Variants in PCYT1B observed in about 807,000 individuals in gnomAD.
The protein encoded by PCYT1B is choline-phosphate cytidylyltransferase B.
PCYT1B carries 10 observed loss-of-function variants against 26.4 expected under a neutral mutation model. The ratio of observed to expected loss-of-function variants is 0.38; its 90% CI spans 0.23 to 0.64. The LOEUF (loss-of-function observed/expected upper bound fraction) is 0.64. Among genes scored for constraint, PCYT1B ranks in the 30% least tolerant of loss-of-function variants. The pLI is 0.56. For synonymous variants in PCYT1B, 131 were observed against 108.4 expected, an observed-to-expected ratio of 1.21 and a Z score of -1.29; for missense variants, 161 against 292.7, an observed-to-expected ratio of 0.55 and a Z score of 3.28.
intron 6 of PCYT1B, among the ~76,000 whole-genome samples, chrX:24,576,551 C>T (rs187870599): frequency 9.0e-6 from 1 of 111,445 alleles, no homozygotes; most frequent in East Asian, 2.8e-4. Context: ...GTGATCCACT[C>T]GCCTCGGCCT....
At chrX:24,649,720 C>T (rs906851044), upstream of PCYT1B, among the ~76,000 whole-genome samples, 7 of 111,691 alleles carry the variant, frequency 6.3e-5, no homozygotes, top group South Asian at 1.1e-3. Context: ...CCTTCCTCAC[C>T]TTCTTCTCCT....
intron 7 of PCYT1B, among the ~76,000 whole-genome samples, chrX:24,568,089 T>C (rs1195100181): frequency 1.8e-5 from 2 of 112,350 alleles, no homozygotes; most frequent in Non-Finnish European, 3.8e-5. Context: ...ATAAAGTTCC[T>C]GGTACGATCT....
At chrX:24,660,530 T>C (rs991849484) in intron 1 of PCYT1B, among the ~76,000 whole-genome samples, 2 of 110,239 alleles carry the variant, frequency 1.8e-5, no homozygotes, top group African/African-American at 6.6e-5. Flanking sequence ...ATACAAAAAT[T>C]ACCTGGATGC....
chrX:24,646,526 T>G (rs1424569666), intron 1 of PCYT1B, among the ~76,000 whole-genome samples: 1 of 111,190 alleles, frequency 9.0e-6, no homozygotes, highest in Non-Finnish European at 1.9e-5. Flanking sequence ...GATGGGGAAG[T>G]TTTGCTTCCA....
chrX:24,623,877 A>G (rs1015089711), intron 1 of PCYT1B, among the ~76,000 whole-genome samples: 2 of 111,279 alleles, frequency 1.8e-5, no homozygotes, highest in Non-Finnish European at 3.8e-5. Context: ...GACCAATCAG[A>G]CAACAAGCTA....
At chrX:24,569,347 A>G (rs1853225171) in intron 7 of PCYT1B, among the ~76,000 whole-genome samples, 1 of 111,079 alleles carries the variant, frequency 9.0e-6, no homozygotes, top group South Asian at 3.8e-4. Flanking sequence ...TTGCTCGTGG[A>G]AATGTAAAAC....
chrX:24,574,048 T>G (rs184888655), intron 7 of PCYT1B, among the ~76,000 whole-genome samples: 4 of 111,433 alleles, frequency 3.6e-5, no homozygotes, highest in African/African-American at 1.3e-4. Context: ...GTGTTTCACT[T>G]TTAGATAATC....
intron 1 of PCYT1B, among the ~76,000 whole-genome samples, chrX:24,619,639 T>G (rs765845365): frequency 2.9e-4 from 32 of 112,144 alleles, no homozygotes; most frequent in Non-Finnish European, 4.5e-4. Flanking sequence ...ACACACCAGC[T>G]TGGCCAATGA....
chrX:24,652,426 G>T (rs753732400), intron 1 of PCYT1B, among the ~76,000 whole-genome samples: 2 of 110,478 alleles, frequency 1.8e-5, no homozygotes, highest in East Asian at 5.7e-4. Context: ...AAGCGTGTTG[G>T]TGGGCGCCTG....
intron 1 of PCYT1B, among the ~76,000 whole-genome samples, chrX:24,668,146 T>C (rs937713619): frequency 8.9e-6 from 1 of 112,350 alleles, no homozygotes; most frequent in Non-Finnish European, 1.9e-5. Context: ...AGAACCAGCA[T>C]GGGACCTGGA....
intron 1 of PCYT1B, among the ~76,000 whole-genome samples, chrX:24,639,167 A>G (rs1926389577): frequency 8.9e-6 from 1 of 112,676 alleles, no homozygotes; most frequent in African/African-American, 3.2e-5. Context: ...TGATAGGAGC[A>G]TGAGCTCAAA....
intron 1 of PCYT1B, among the ~76,000 whole-genome samples, chrX:24,623,943 G>C (rs1435831841): frequency 1.9e-5 from 2 of 106,277 alleles, no homozygotes; most frequent in Non-Finnish European, 3.9e-5. Context: ...CAACTGCAGA[G>C]TTGCTTGTTT....
chrX:24,602,608 T>C (rs1388098594), intron 3 of PCYT1B, among the ~76,000 whole-genome samples: 5 of 111,157 alleles, frequency 4.5e-5, no homozygotes, highest in Non-Finnish European at 9.4e-5. Context: ...TAGGGGAAGT[T>C]GTGCCTGTGC....
intron 7 of PCYT1B, among the ~76,000 whole-genome samples, chrX:24,565,828 T>C (rs1408705372): frequency 1.1e-5 from 1 of 94,959 alleles, no homozygotes; most frequent in African/African-American, 3.9e-5. Flanking sequence ...AGGCAAAAAA[T>C]AGTGGAATTT....
chrX:24,597,465 C>G (rs750315932), intron 3 of PCYT1B, among the ~76,000 whole-genome samples: 1 of 112,028 alleles, frequency 8.9e-6, no homozygotes, highest in Non-Finnish European at 1.9e-5. Context: ...TAGTTTTAAA[C>G]GAATCAATGT....
chrX:24,643,637 G>A (rs186197721), intron 1 of PCYT1B, among the ~76,000 whole-genome samples: 187 of 111,845 alleles, frequency 1.7e-3, no homozygotes, highest in African/African-American at 5.9e-3. Flanking sequence ...GAAGAATAAG[G>A]CAGGTAGAGA....
intron 1 of PCYT1B, among the ~76,000 whole-genome samples, chrX:24,655,693 G>A (rs1359058488): frequency 1.8e-5 from 2 of 111,410 alleles, no homozygotes; most frequent in Non-Finnish European, 3.8e-5. Context: ...TGAGGCAGGA[G>A]AATCACTTGA....
chrX:24,630,702 C>T (rs1028461825), intron 1 of PCYT1B, among the ~76,000 whole-genome samples: 1 of 112,163 alleles, frequency 8.9e-6, no homozygotes, highest in Non-Finnish European at 1.9e-5. Flanking sequence ...GCTTTAAGCT[C>T]CCAGTAGTCA....
At chrX:24,641,811 A>G (rs1379256058) in intron 1 of PCYT1B, among the ~76,000 whole-genome samples, 1 of 112,174 alleles carries the variant, frequency 8.9e-6, no homozygotes, top group Non-Finnish European at 1.9e-5. Flanking sequence ...TTTCAATTAC[A>G]CATGTGGCTC....
Sources: gnomAD v4.1 joint callset for allele counts (sites outside exome capture counted in the v4.1 genomes callset) on GRCh38, gnomAD v4.1.1 for gene constraint, MANE v1.5 for transcripts, NCBI Gene and HGNC (gene_info 2026-07-23, HGNC 2026-07-21) for gene names.